The following VRK2 variants were observed in gnomAD, a reference collection of about 807,000 sequenced individuals.
VRK2 encodes VRK serine/threonine kinase 2, also known as serine/threonine-protein kinase VRK2.
VRK2 carries 60 observed loss-of-function variants against 57.6 expected under a neutral mutation model. The ratio of observed to expected loss-of-function variants is 1.04; its 90% CI spans 0.85 to 1.29. The LOEUF is 1.29. Among genes scored for constraint, VRK2 ranks in the 50% most tolerant of loss-of-function variants. The pLI is 0.00. For missense variants in VRK2, 705 were observed against 588.1 expected, an observed-to-expected ratio of 1.20 and a Z score of -2.06; for synonymous variants, 231 against 199.2, an observed-to-expected ratio of 1.16 and a Z score of -1.35.
intron 2 of VRK2, among the ~76,000 whole-genome samples, chr2:58,029,772 G>A (rs1168629950): frequency 6.6e-6 from 1 of 151,980 alleles, no homozygotes; most frequent in Non-Finnish European, 1.5e-5. Flanking sequence ...ATTTATCTTT[G>A]ACTCATCCTA....
chr2:57,993,643 A>G (rs891599202), intron 1 of VRK2, among the ~76,000 whole-genome samples: 1 of 152,256 alleles, frequency 6.6e-6, no homozygotes, highest in Non-Finnish European at 1.5e-5. Flanking sequence ...ATGTTTCTCA[A>G]TAAAAATATT....
chr2:58,126,210 C>A (rs1678322519), intron 8 of VRK2, among the ~76,000 whole-genome samples: 1 of 151,652 alleles, frequency 6.6e-6, no homozygotes, highest in African/African-American at 2.4e-5. Flanking sequence ...AGTGTCAGGT[C>A]TATTTCTTGG....
At chr2:58,098,305 GA>G (rs1195766633) in intron 7 of VRK2, among the ~76,000 whole-genome samples, 6 of 151,848 alleles carry the variant, frequency 4.0e-5, no homozygotes, top group Admixed American at 6.6e-5. Flanking sequence ...ATTGCAGAAA[GA>G]AAAAAACTGT....
intron 1 of VRK2, among the ~76,000 whole-genome samples, chr2:58,010,972 C>T (rs992834678): frequency 5.9e-5 from 9 of 152,280 alleles, no homozygotes; most frequent in South Asian, 2.1e-4. Flanking sequence ...AACTGTGACT[C>T]TACAAGTGTT....
chr2:57,990,882 CACAT>C (rs367961078), intron 1 of VRK2, among the ~76,000 whole-genome samples: 43 of 134,158 alleles, frequency 3.2e-4, no homozygotes, highest in African/African-American at 1.2e-3. Context: ...CACACACACA[CACAT>C]GCACACACAC....
chr2:57,920,619 G>C (rs1319784636), intron 1 of VRK2, among the ~76,000 whole-genome samples: 2 of 152,050 alleles, frequency 1.3e-5, no homozygotes, highest in Admixed American at 1.3e-4. Context: ...TACGCAACTG[G>C]ATCTAAACAC....
intron 1 of VRK2, among the ~76,000 whole-genome samples, chr2:57,988,965 C>T (rs1297553689): frequency 5.3e-5 from 8 of 152,098 alleles, no homozygotes; most frequent in Non-Finnish European, 1.5e-5. Flanking sequence ...CCTAATTTTT[C>T]CAACCCAAGA....
At chr2:57,978,283 C>T (rs1558522822) in intron 1 of VRK2, among the ~76,000 whole-genome samples, 1 of 151,016 alleles carries the variant, frequency 6.6e-6, no homozygotes, top group Non-Finnish European at 1.5e-5. Flanking sequence ...AACCAGGTTA[C>T]AGATGGACAT....
intron 1 of VRK2, among the ~76,000 whole-genome samples, chr2:57,985,161 T>G (rs1018759743): frequency 1.1e-4 from 17 of 152,044 alleles, no homozygotes; most frequent in African/African-American, 3.9e-4. Flanking sequence ...AATTTAATAG[T>G]TAAATTTTGA....
intron 3 of VRK2, among the ~76,000 whole-genome samples, chr2:58,040,744 T>C (rs990522442): frequency 6.6e-6 from 1 of 152,206 alleles, no homozygotes; most frequent in Non-Finnish European, 1.5e-5. Flanking sequence ...GTAAGCTATG[T>C]GTCAACAGTA....
In VRK2 at chr2:58,048,968, G is replaced by A. The variant is rs749953090; in HGVS notation, c.136+1G>A. 133 of 1,610,050 alleles carry A rather than the reference G, an allele frequency of 8.3e-5. No homozygotes were observed. Among genetic ancestry groups the A allele is most frequent in the Non-Finnish European group, 1.1e-4 (124 of 1,178,682 alleles). On this transcript the variant is annotated splice_donor_variant, in intron 2 of 12. Coordinates refer to ENST00000340157, the MANE Select transcript of VRK2 (RefSeq NM_006296.7). LOFTEE classifies it high-confidence loss of function. ...GGAGGATTTGGATTGATATATTTAG[G>A]TAAAGTAAAACCTTAAATTAACAAT...
intron 8 of VRK2, among the ~76,000 whole-genome samples, chr2:58,126,091 C>A (rs902986027): frequency 6.6e-6 from 1 of 151,466 alleles, no homozygotes; most frequent in African/African-American, 2.4e-5. Context: ...TTTTTTCAGT[C>A]CAACTATGAG....
At chr2:58,098,443 G>A (rs1433379395) in intron 7 of VRK2, among the ~76,000 whole-genome samples, 1 of 152,026 alleles carries the variant, frequency 6.6e-6, no homozygotes, top group Non-Finnish European at 1.5e-5. Context: ...TTCCAGTCTT[G>A]TAAGTTCCAT....
At chr2:57,955,937 TAACA>T (rs1215338028) in intron 1 of VRK2, among the ~76,000 whole-genome samples, 3 of 152,166 alleles carry the variant, frequency 2.0e-5, no homozygotes, top group Non-Finnish European at 4.4e-5. Context: ...AAATAAGGGT[TAACA>T]AACAAAGAAG....
chr2:58,122,820 G>A (rs1677721463), intron 7 of VRK2, among the ~76,000 whole-genome samples: 1 of 152,162 alleles, frequency 6.6e-6, no homozygotes, highest in East Asian at 1.9e-4. Flanking sequence ...ATGATGTCTA[G>A]ATGCCCACCT....
chr2:58,139,542 T>C, intron 10 of VRK2, 124 bp from the exon 11 acceptor site: 1 of 793,466 alleles, frequency 1.3e-6, no homozygotes, highest in Non-Finnish European at 2.0e-6. Flanking sequence ...GAATTGTTCA[T>C]TTTTAGTTTC....
intron 2 of VRK2, among the ~76,000 whole-genome samples, chr2:58,057,159 T>C (rs1676647076): frequency 6.6e-6 from 1 of 152,190 alleles, no homozygotes; most frequent in South Asian, 2.1e-4. Context: ...TTGCATGTTA[T>C]AGTTCTTAAA....
intron 1 of VRK2, among the ~76,000 whole-genome samples, chr2:57,938,913 C>A (rs1671005064): frequency 6.6e-6 from 1 of 152,058 alleles, no homozygotes; most frequent in Non-Finnish European, 1.5e-5. Flanking sequence ...CATGGTTAGT[C>A]TAACTTTACT....
At chr2:57,953,570 G>A (rs1227317521) in intron 1 of VRK2, among the ~76,000 whole-genome samples, 1 of 152,104 alleles carries the variant, frequency 6.6e-6, no homozygotes, top group Non-Finnish European at 1.5e-5. Flanking sequence ...TGCTTATTAA[G>A]GTAGTTATTA....
Sources: gnomAD v4.1 joint callset for allele counts (sites outside exome capture counted in the v4.1 genomes callset) on GRCh38, gnomAD v4.1.1 for gene constraint, MANE v1.5 for transcripts, NCBI Gene and HGNC (gene_info 2026-07-23, HGNC 2026-07-21) for gene names.